SAMMSON: variants seen among roughly 807,000 people sequenced by gnomAD.
SAMMSON encodes the protein long intergenic non-protein coding RNA 1212.
intron 3 of SAMMSON, among the ~76,000 whole-genome samples, chr3:70,055,833 G>T (rs1405274731): frequency 6.6e-6 from 1 of 151,652 alleles, no homozygotes; most frequent in Non-Finnish European, 1.5e-5. Context: ...TTCCTCTTTG[G>T]ACTTTGAGCT....
intron 4 of SAMMSON, among the ~76,000 whole-genome samples, chr3:70,222,845 T>G (rs1701473064): frequency 6.6e-6 from 1 of 152,190 alleles, no homozygotes; most frequent in Non-Finnish European, 1.5e-5. Flanking sequence ...ATACTGCTGA[T>G]GTTTTAAAGG....
intron 4 of SAMMSON, among the ~76,000 whole-genome samples, chr3:70,145,757 CA>C (rs2106683937): frequency 6.6e-6 from 1 of 151,442 alleles, no homozygotes; most frequent in African/African-American, 2.4e-5. Flanking sequence ...AGAAAGATCT[CA>C]AAGAATTAAT....
At chr3:70,036,426 C>G (rs73836012) in intron 3 of SAMMSON, among the ~76,000 whole-genome samples, 5,868 of 152,220 alleles carry the variant, frequency 0.039, 337 homozygotes, top group African/African-American at 0.12. Context: ...TGATATCACT[C>G]TCAGATGAAG....
chr3:70,000,348 C>T (rs12495230), intron 1 of SAMMSON, among the ~76,000 whole-genome samples: 84,826 of 152,052 alleles, frequency 0.56, 25,491 homozygotes, highest in African/African-American at 0.77. Flanking sequence ...CAAGGGAACC[C>T]GTACCGTTTC....
intron 1 of SAMMSON, among the ~76,000 whole-genome samples, chr3:70,002,424 A>G (rs746010240): frequency 1.3e-5 from 2 of 152,206 alleles, no homozygotes; most frequent in Non-Finnish European, 2.9e-5. Context: ...GAATTTACGA[A>G]AAGTGACTAA....
intron 4 of SAMMSON, among the ~76,000 whole-genome samples, chr3:70,117,118 C>A (rs1193114365): frequency 6.6e-6 from 1 of 152,058 alleles, no homozygotes; most frequent in African/African-American, 2.4e-5. Context: ...TGGTGTACAC[C>A]CTGGGAAGAG....
intron 7 of SAMMSON, chr3:70,302,568 G>A (rs1318076592): frequency 6.6e-6 from 1 of 152,134 alleles, no homozygotes; most frequent in African/African-American, 2.4e-5. Flanking sequence ...ATTAAAAGGT[G>A]TAACTTTCTT....
chr3:70,072,301 G>A (rs7634340), intron 4 of SAMMSON: 83,968 of 151,664 alleles, frequency 0.55, 25,154 homozygotes, highest in East Asian at 0.77. Flanking sequence ...ATGGACGTTC[G>A]GGACGTTCTG....
chr3:70,059,177 AT>A (rs1393310715), intron 3 of SAMMSON, among the ~76,000 whole-genome samples: 2 of 152,142 alleles, frequency 1.3e-5, no homozygotes, highest in African/African-American at 4.8e-5. Flanking sequence ...TGACATGTTT[AT>A]TGTAAAATAA....
At chr3:70,221,862 G>A (rs889331010) in intron 4 of SAMMSON, among the ~76,000 whole-genome samples, 7 of 152,094 alleles carry the variant, frequency 4.6e-5, no homozygotes, top group East Asian at 1.9e-4. Flanking sequence ...AGGTTTTGTC[G>A]TTACTTTCAA....
intron 4 of SAMMSON, among the ~76,000 whole-genome samples, chr3:70,187,738 G>C (rs1301721340): frequency 6.6e-6 from 1 of 152,026 alleles, no homozygotes; most frequent in Non-Finnish European, 1.5e-5. Flanking sequence ...GCCCGGCCGG[G>C]ACCAACTCTT....
intron 7 of SAMMSON, among the ~76,000 whole-genome samples, chr3:70,324,328 G>T (rs528304004): frequency 1.3e-5 from 2 of 152,178 alleles, no homozygotes; most frequent in African/African-American, 4.8e-5. Flanking sequence ...GTTATGCACT[G>T]CCTGGGAATC....
intron 6 of SAMMSON, among the ~76,000 whole-genome samples, chr3:70,285,120 A>G (rs1203145849): frequency 6.6e-6 from 1 of 150,896 alleles, no homozygotes; most frequent in African/African-American, 2.4e-5. Context: ...GGTTAGTTAC[A>G]TATGTATACA....
intron 6 of SAMMSON, among the ~76,000 whole-genome samples, chr3:70,260,624 T>A (rs1019503629): frequency 6.6e-6 from 1 of 152,080 alleles, no homozygotes; most frequent in Non-Finnish European, 1.5e-5. Context: ...CCCTAGTGGC[T>A]GCATCACTCC....
At chr3:70,161,045 TC>T (rs1357604595) in intron 4 of SAMMSON, among the ~76,000 whole-genome samples, 1 of 152,130 alleles carries the variant, frequency 6.6e-6, no homozygotes, top group East Asian at 1.9e-4. Flanking sequence ...GCTGTACTTC[TC>T]AGTTCTAAGC....
In SAMMSON at chr3:70,290,769, G is replaced by A. The variant is rs1003808174; in HGVS notation, n.675-410G>A. On this transcript the variant is annotated intron_variant and non_coding_transcript_variant, in intron 6 of 9. Coordinates refer to ENST00000642114, the Ensembl canonical transcript of SAMMSON. ...GCAGGTTATAATCTCGTGGTGCGCCGTTTTTTAAGCTTGTCGGAAAAGCGC... is the reference window on the plus strand; with the variant it reads ...GCAGGTTATAATCTCGTGGTGCGCCATTTTTTAAGCTTGTCGGAAAAGCGC... 1.5e-4 allele frequency among the ~76,000 whole-genome samples: 23 copies of A among 152,306 alleles called. 1 individual carries two copies. The highest frequency in any genetic ancestry group is 6.8e-3 in the Middle Eastern group (2 of 294).
At chr3:70,008,649 G>T (rs186140589) in intron 1 of SAMMSON, among the ~76,000 whole-genome samples, 2 of 152,152 alleles carry the variant, frequency 1.3e-5, no homozygotes, top group Admixed American at 6.5e-5. Context: ...CTTCCTGATT[G>T]CCCTGGCCAG....
intron 7 of SAMMSON, among the ~76,000 whole-genome samples, chr3:70,298,143 A>C (rs1702307762): frequency 6.6e-6 from 1 of 152,128 alleles, no homozygotes; most frequent in African/African-American, 2.4e-5. Context: ...TTGAAAATTA[A>C]AGTTAGATTT....
intron 4 of SAMMSON, among the ~76,000 whole-genome samples, chr3:70,177,652 C>T (rs1006025709): frequency 6.6e-6 from 1 of 152,172 alleles, no homozygotes; most frequent in Non-Finnish European, 1.5e-5. Context: ...TTACCTCGCA[C>T]TGGACAATAT....
Sources: allele counts gnomAD v4.1 joint callset (sites outside exome capture counted in the v4.1 genomes callset), GRCh38; gene constraint gnomAD v4.1.1; transcripts MANE v1.5; gene names NCBI Gene and HGNC (gene_info 2026-07-23, HGNC 2026-07-21).